CTNNA2: variants seen among roughly 807,000 people sequenced by gnomAD.
CTNNA2 encodes catenin alpha-2.
Under a neutral mutation model 101.0 loss-of-function variants are expected in CTNNA2, and 42 were observed. The ratio of observed to expected loss-of-function variants is 0.42; its 90% CI spans 0.32 to 0.54. The LOEUF is 0.54. Among genes scored for constraint, CTNNA2 ranks in the 20% least tolerant of loss-of-function variants. The probability of loss-of-function intolerance (pLI) is 0.14; values close to 1 mark genes in which losing one functional copy is unlikely to be tolerated. For missense variants in CTNNA2, 871 were observed against 1,223.1 expected (o/e 0.71, Z 4.29); for synonymous variants, 450 against 456.4 (o/e 0.99, Z 0.18).
chr2:79,609,820 C>T (rs926812604), intron 1 of CTNNA2, among the ~76,000 whole-genome samples: 7 of 152,020 alleles, frequency 4.6e-5, no homozygotes, highest in Admixed American at 1.3e-4. Context: ...TGGATTCTGA[C>T]GATACAATCG....
At chr2:80,564,178 T>G (rs1232699548) in intron 12 of CTNNA2, among the ~76,000 whole-genome samples, 1 of 152,194 alleles carries the variant, frequency 6.6e-6, no homozygotes, top group Admixed American at 6.6e-5. Context: ...GCAAGCACTT[T>G]ATTACATCTT....
At chr2:79,195,243 A>C (rs2104168014) in intron 1 of CTNNA2, among the ~76,000 whole-genome samples, 1 of 152,276 alleles carries the variant, frequency 6.6e-6, no homozygotes, top group South Asian at 2.1e-4. Flanking sequence ...ATCCTTAGTT[A>C]ATTGCTCCCT....
intron 12 of CTNNA2, chr2:80,573,181 T>C (rs1293453848): frequency 6.6e-6 from 1 of 152,214 alleles, no homozygotes; most frequent in Non-Finnish European, 1.5e-5. Flanking sequence ...TTTCATTTAC[T>C]ATACAAATTG....
intron 3 of CTNNA2, among the ~76,000 whole-genome samples, chr2:79,324,664 G>A (rs918981608): frequency 4.6e-5 from 7 of 152,002 alleles, no homozygotes; most frequent in Non-Finnish European, 7.4e-5. Context: ...ATGCCCCCAG[G>A]AACTGTGGGC....
Position 79,330,929 on chromosome 2 carries a change from T to A in CTNNA2, c.-318+18133T>A, listed in dbSNP as rs77181648. ...ATTAATACACTGAGCTAAACAATTA[T>A]GGAGCCATGGGCTCATTCATCTGGA... On this transcript the variant is annotated intron_variant, in intron 3 of 21. Transcript: ENST00000466387. Among the ~76,000 whole-genome samples, 1,486 of 152,308 alleles carry A rather than the reference T, an allele frequency of 9.8e-3. 26 individuals carry two copies. The highest frequency in any genetic ancestry group is 0.032 in the African/African-American group (1,349 of 41,574).
At position 79,716,413 on chromosome 2, in the gene CTNNA2, C is replaced by G. The variant is rs114338321; in HGVS notation, c.103-27974C>G. Reference sequence around the variant, plus strand: ...TGCATCCATGCCTGGCATCCATTAGCTATGTAAGCTATGTAAGCCCAGCAT... The same window carrying G: ...TGCATCCATGCCTGGCATCCATTAGGTATGTAAGCTATGTAAGCCCAGCAT... On this transcript the variant is annotated intron_variant, in intron 2 of 18. Coordinates refer to ENST00000402739, the MANE Select transcript of CTNNA2 (RefSeq NM_001282597.3). Among the ~76,000 whole-genome samples the G allele has an allele frequency of 8.2e-3, 1,256 of 152,270 alleles. 13 individuals are homozygous for G. Among genetic ancestry groups the G allele is most frequent in the African/African-American group, 0.029 (1,203 of 41,528 alleles).
intron 1 of CTNNA2, among the ~76,000 whole-genome samples, chr2:79,519,003 C>A (rs1016653505): frequency 2.0e-5 from 3 of 151,918 alleles, no homozygotes; most frequent in Non-Finnish European, 2.9e-5. Flanking sequence ...CTGAGGCAGG[C>A]ACATCACCTG....
intron 14 of CTNNA2, among the ~76,000 whole-genome samples, chr2:80,582,565 G>GT (rs1695630109): frequency 6.6e-6 from 1 of 152,130 alleles, no homozygotes; most frequent in Non-Finnish European, 1.5e-5. Context: ...CTGATTTGCT[G>GT]TATCACCCAG....
chr2:80,258,871 G>A (rs998780528), intron 7 of CTNNA2, among the ~76,000 whole-genome samples: 1 of 152,094 alleles, frequency 6.6e-6, no homozygotes, highest in African/African-American at 2.4e-5. Flanking sequence ...AAAGGACTCT[G>A]CTCTTACCGC....
At chr2:79,982,279 T>TA (rs1370088494) in intron 7 of CTNNA2, among the ~76,000 whole-genome samples, 4 of 116,530 alleles carry the variant, frequency 3.4e-5, no homozygotes, top group African/African-American at 6.5e-5. Context: ...ATATATATAA[T>TA]ATATATAACA....
chr2:79,488,328 A>AC (rs1278573155), intron 4 of CTNNA2, among the ~76,000 whole-genome samples: 4 of 67,650 alleles, frequency 5.9e-5, no homozygotes, highest in Non-Finnish European at 1.2e-4. Flanking sequence ...CAAAAAAAAA[A>AC]AAAAAAAAAA....
chr2:80,622,483 T>C (rs987511757), intron 18 of CTNNA2, among the ~76,000 whole-genome samples: 11 of 151,814 alleles, frequency 7.2e-5, no homozygotes, highest in Non-Finnish European at 8.8e-5. Context: ...AGCAAACAAT[T>C]TCCTTGGGCA....
chr2:79,720,863 C>T (rs1686437109), intron 2 of CTNNA2, among the ~76,000 whole-genome samples: 1 of 152,000 alleles, frequency 6.6e-6, no homozygotes, highest in Admixed American at 6.6e-5. Context: ...GCTTTTCTTT[C>T]TCTTCCCTAT....
At chr2:79,692,728 A>G (rs566293611) in intron 2 of CTNNA2, among the ~76,000 whole-genome samples, 49 of 152,168 alleles carry the variant, frequency 3.2e-4, no homozygotes, top group Admixed American at 2.9e-3. Context: ...TTGCACGGAC[A>G]TGGATGAAGC....
At chr2:79,926,158 C>G (rs759056408) in intron 7 of CTNNA2, among the ~76,000 whole-genome samples, 14 of 152,068 alleles carry the variant, frequency 9.2e-5, no homozygotes, top group Non-Finnish European at 1.2e-4. Context: ...CACGCCTAAC[C>G]TAAGTTTCTC....
intron 2 of CTNNA2, among the ~76,000 whole-genome samples, chr2:79,709,827 T>G (rs1364874187): frequency 6.6e-6 from 1 of 152,010 alleles, no homozygotes; most frequent in Non-Finnish European, 1.5e-5. Context: ...AGTCACAAAA[T>G]CAAAGGTATT....
intron 4 of CTNNA2, among the ~76,000 whole-genome samples, chr2:79,393,646 A>T (rs1351902417): frequency 6.6e-6 from 1 of 151,780 alleles, no homozygotes; most frequent in Non-Finnish European, 1.5e-5. Flanking sequence ...AAAAAAAAAA[A>T]AAGCTGCTCT....
intron 3 of CTNNA2, among the ~76,000 whole-genome samples, chr2:79,832,117 C>G (rs997096814): frequency 4.6e-5 from 7 of 152,178 alleles, no homozygotes; most frequent in African/African-American, 1.7e-4. Flanking sequence ...GAGATACCCC[C>G]AACTTCAATC....
At chr2:80,231,968 A>G (rs1709240413) in intron 7 of CTNNA2, among the ~76,000 whole-genome samples, 1 of 151,996 alleles carries the variant, frequency 6.6e-6, no homozygotes, top group Non-Finnish European at 1.5e-5. Context: ...ACATAATAAG[A>G]CCCTTGGTCT....
Sources: gnomAD v4.1 joint callset for allele counts (sites outside exome capture counted in the v4.1 genomes callset) on GRCh38, gnomAD v4.1.1 for gene constraint, MANE v1.5 for transcripts, NCBI Gene and HGNC (gene_info 2026-07-23, HGNC 2026-07-21) for gene names.